SIX6: variants seen among roughly 807,000 people sequenced by gnomAD.
SIX6 encodes homeobox protein SIX6.
A neutral mutation model predicts 23.6 loss-of-function variants in SIX6; 14 were observed. That is an observed-to-expected ratio of 0.59 (90% CI 0.39 to 0.93). SIX6 has a LOEUF of 0.93. SIX6 is among the 40% of genes least tolerant of loss of function. SIX6 has a pLI of 0.00. For synonymous variants in SIX6, 128 were observed against 144.9 expected (o/e 0.88, Z 0.84); for missense variants, 307 against 325.6 (o/e 0.94, Z 0.44).
At position 60,512,237 on chromosome 14, in the gene SIX6, A is replaced by G. The variant is rs1197026512; in HGVS notation, c.*985A>G. 3 of 152,172 alleles carry G rather than the reference A, an allele frequency of 2.0e-5. No individual in the cohort carries two copies. Among genetic ancestry groups the G allele is most frequent in the Non-Finnish European group, 4.4e-5 (3 of 68,026 alleles). 9.4% of individuals were successfully genotyped at this position (152,172 alleles called of 1,614,324 possible). On this transcript the variant is annotated 3_prime_UTR_variant, in exon 2 of 2. Coordinates refer to ENST00000327720, the MANE Select transcript of SIX6 (RefSeq NM_007374.3). ...TTTAGGAAGCCAAACTATGGGACTC[A>G]ATAAGTGAGTCCTATTTTCTAAAAA...
rs979680550 is a variant in SIX6, at chr14:60,512,509, G to A, written c.*1257G>A. On this transcript the variant is annotated 3_prime_UTR_variant, in exon 2 of 2. Transcript: ENST00000327720. ...AATGGTTTTTAACAAGAGGGATACTGAGATGGGGGAAAGGATGTAATCATG... is the reference window on the plus strand; with the variant it reads ...AATGGTTTTTAACAAGAGGGATACTAAGATGGGGGAAAGGATGTAATCATG... The A allele has an allele frequency of 2.6e-5, 4 of 152,198 alleles. No homozygotes were observed. Among genetic ancestry groups the A allele is most frequent in the Non-Finnish European group, 5.9e-5 (4 of 68,026 alleles). The allele number at this position is 152,198 out of a possible 1,614,324, so 9.4% of individuals were successfully genotyped here.
chr14:60,511,313 AAG>A lies in SIX6; in HGVS notation c.*64_*65del. The A allele has an allele frequency of 6.4e-7, 1 of 1,553,146 alleles. No individual in the cohort carries two copies. Among genetic ancestry groups the A allele is most frequent in the Non-Finnish European group, 8.9e-7 (1 of 1,125,528 alleles). On this transcript the variant is annotated 3_prime_UTR_variant, in exon 2 of 2. Transcript: ENST00000327720. ...TGTAAAAACGAGAAAAACAAAATGAAAGAGGGGAAGAAGATGAGAGACCTGCA... is the reference window on the plus strand; with the variant it reads ...TGTAAAAACGAGAAAAACAAAATGAAAGGGGAAGAAGATGAGAGACCTGCA...
Position 60,511,141 on chromosome 14 carries a change from C to T in SIX6, c.630C>T (p.Asp210=). The T allele has an allele frequency of 6.2e-7, 1 of 1,612,848 alleles. No individual in the cohort carries two copies. The highest frequency in any genetic ancestry group is 8.5e-7 in the Non-Finnish European group (1 of 1,179,898). Residue 210 remains aspartate (D), a synonymous_variant, in exon 2 of 2, where the codon GAC becomes GAT. Transcript: ENST00000327720. ...GSGRALRAEG[D]GTPEVLGVAT... is the part of the protein sequence containing the mutation. The stretch of plus-strand genomic sequence containing the variant: ...GGCGGGCACTACGGGCGGAGGGCGA[C>T]GGCACGCCAGAGGTGCTGGGCGTCG...
intron 1 of SIX6, among the ~76,000 whole-genome samples, chr14:60,510,623 T>A (rs1468500161): frequency 6.6e-6 from 1 of 152,128 alleles, no homozygotes; most frequent in African/African-American, 2.4e-5. Flanking sequence ...ACAATCCTTT[T>A]TGCCTTTAGG....
In SIX6 at chr14:60,512,010, T is replaced by TATATGTATGTACCTATACAAAC. The variant is rs11267915; in HGVS notation, c.*792_*813dup. Reference sequence around the variant, plus strand: ...CCACGTCAAATTACACGTATGTGCATATATGTATGTACCTATACAAACATA... The same window carrying TATATGTATGTACCTATACAAAC: ...CCACGTCAAATTACACGTATGTGCATATATGTATGTACCTATACAAACATATGTATGTACCTATACAAACATA... On this transcript the variant is annotated 3_prime_UTR_variant, in exon 2 of 2. Coordinates refer to ENST00000327720, the MANE Select transcript of SIX6 (RefSeq NM_007374.3). 2.7e-5 allele frequency: 4 copies of TATATGTATGTACCTATACAAAC among 150,844 alleles called. No individual in the cohort carries two copies. Among genetic ancestry groups the TATATGTATGTACCTATACAAAC allele is most frequent in the Admixed American group, 1.3e-4 (2 of 15,136 alleles). 9.3% of individuals were successfully genotyped at this position (150,844 alleles called of 1,614,324 possible). A position where few individuals can be genotyped will look rare whatever the true frequency, so the allele number is the denominator to read the frequency against.
rs775430989 is a variant in SIX6, at chr14:60,509,575, C to T, written c.177C>T (p.Ile59=). ...KNESVLRARA[I]VAFHGGNYRE... The stretch of plus-strand genomic sequence containing the variant: ...AGTCGGTGCTACGCGCACGAGCCAT[C>T]GTGGCCTTTCACGGTGGCAACTACC... Residue 59 remains isoleucine, a synonymous_variant, in exon 1 of 2, where the codon ATC becomes ATT. Transcript: ENST00000327720. 1.2e-6 allele frequency: 2 copies of T among 1,612,772 alleles called. No individual in the cohort carries two copies. The highest frequency in any genetic ancestry group is 2.2e-5 in the East Asian group (1 of 44,884).
At position 60,512,392 on chromosome 14, in the gene SIX6, G is replaced by T. The variant is rs1348494979; in HGVS notation, c.*1140G>T. 1 of 152,210 alleles carries T rather than the reference G, an allele frequency of 6.6e-6. No individual in the cohort carries two copies. The highest frequency in any genetic ancestry group is 1.5e-5 in the Non-Finnish European group (1 of 68,034). The allele number at this position is 152,210 out of a possible 1,614,324, so 9.4% of individuals were successfully genotyped here. A position where few individuals can be genotyped will look rare whatever the true frequency, so the allele number is the denominator to read the frequency against. On this transcript the variant is annotated 3_prime_UTR_variant, in exon 2 of 2. Transcript: ENST00000327720. ...GAGCATATACTGCATTTAGGATTGA[G>T]CTATTATTAAAATAAGACAAAAGAT...
chr14:60,511,078 C>T lies in SIX6; in HGVS notation c.573-6C>T, dbSNP rs770759922. Reference sequence around the variant, plus strand: ...CTGTGACCCGTGTTCCCTTTCTTCCCCGTAGACTCCAGCAGCAGGTCCTGT... The same window carrying T: ...CTGTGACCCGTGTTCCCTTTCTTCCTCGTAGACTCCAGCAGCAGGTCCTGT... On this transcript the variant is annotated splice_region_variant and splice_polypyrimidine_tract_variant and intron_variant, in intron 1 of 1. Transcript: ENST00000327720. The T allele has an allele frequency of 2.0e-5, 33 of 1,612,374 alleles. No homozygotes were observed. Among genetic ancestry groups the T allele is most frequent in the Non-Finnish European group, 2.7e-5 (32 of 1,179,758 alleles).
chr14:60,512,022 CCTATACAAACATAT>C lies in SIX6; in HGVS notation c.*771_*784del. The C allele has an allele frequency of 2.5e-4, 1 of 4,004 alleles. No individual in the cohort carries two copies. The highest frequency in any genetic ancestry group is 1.5e-3 in the Non-Finnish European group (1 of 656). 0.2% of individuals were successfully genotyped at this position (4,004 alleles called of 1,614,324 possible). On this transcript the variant is annotated 3_prime_UTR_variant, in exon 2 of 2. Transcript: ENST00000327720. ...ACACGTATGTGCATATATGTATGTA[CCTATACAAACATAT>C]GTATGTACCTATACAAACATATGTA... is the stretch of plus-strand genomic sequence containing the variant.
At chr14:60,510,072 G>A (rs984305307) in intron 1 of SIX6, 102 bp downstream of exon 1, 2 of 1,036,240 alleles carry the variant, frequency 1.9e-6, no homozygotes, top group Non-Finnish European at 2.9e-6. Context: ...CAATTCAGCA[G>A]GAGTTGGGAG....
chr14:60,510,867 G>T (rs948763202), intron 1 of SIX6, among the ~76,000 whole-genome samples: 1 of 152,238 alleles, frequency 6.6e-6, no homozygotes, highest in Non-Finnish European at 1.5e-5. Context: ...GAGAAAGGGC[G>T]CGAATCATGG....
chr14:60,510,956 C>T (rs1893282062), intron 1 of SIX6, 128 bp from the exon 2 acceptor site: 1 of 955,224 alleles, frequency 1.0e-6, no homozygotes, highest in South Asian at 1.6e-5. Context: ...GAGTAATCCT[C>T]GCCTTAACTG....
chr14:60,509,268 A>T lies in SIX6; in HGVS notation c.-131A>T. The T allele has an allele frequency of 1.2e-6, 1 of 801,826 alleles. No individual in the cohort carries two copies. Among genetic ancestry groups the T allele is most frequent in the Non-Finnish European group, 2.1e-6 (1 of 482,286 alleles). 49.7% of individuals were successfully genotyped at this position (801,826 alleles called of 1,614,324 possible). ...TCCCGGCCGTTGAGCCACCGCCGCC[A>T]CCCGGTAGTGTGTCCCGCTGCCCCA... On this transcript the variant is annotated 5_prime_UTR_variant, in exon 1 of 2. Transcript: ENST00000327720.
chr14:60,509,482 G>C lies in SIX6; in HGVS notation c.84G>C (p.Glu28Asp). The C allele has an allele frequency of 6.2e-7, 1 of 1,601,598 alleles. No homozygotes were observed. The highest frequency in any genetic ancestry group is 8.5e-7 in the Non-Finnish European group (1 of 1,179,956). Residue 28 changes from glutamate to aspartate, a missense_variant, in exon 1 of 2, where the codon GAG becomes GAC. Glu to Asp is a conservative substitution (Grantham distance 45). Coordinates refer to ENST00000327720, the MANE Select transcript of SIX6 (RefSeq NM_007374.3). ...CCCTGGAAGAGAGCGGCGATGTGGA[G>C]CGCCTGGGTCGCTTCCTCTGGTCGC... ...CETLEESGDV[E>D]RLGRFLWSLP...
In SIX6 at chr14:60,509,419, G is replaced by A. The variant is rs61746410; in HGVS notation, c.21G>A (p.Leu7=). 46,245 of 1,599,486 alleles carry A rather than the reference G, an allele frequency of 0.029. 756 individuals carry two copies. Among genetic ancestry groups the A allele is most frequent in the Non-Finnish European group, 0.034 (40,308 of 1,179,886 alleles). ...CCTCGATGTTCCAGCTGCCCATCTTGAATTTCAGCCCCCAGCAAGTGGCCG... is the reference window on the plus strand; with the variant it reads ...CCTCGATGTTCCAGCTGCCCATCTTAAATTTCAGCCCCCAGCAAGTGGCCG... MFQLPI[L]NFSPQQVAGV... Residue 7 remains leucine (L), a synonymous_variant, in exon 1 of 2, where the codon TTG becomes TTA. Coordinates refer to ENST00000327720, the MANE Select transcript of SIX6 (RefSeq NM_007374.3).
At position 60,511,291 on chromosome 14, in the gene SIX6, A is replaced by G. The variant is rs1287060604; in HGVS notation, c.*39A>G. On this transcript the variant is annotated 3_prime_UTR_variant, in exon 2 of 2. Coordinates refer to ENST00000327720, the MANE Select transcript of SIX6 (RefSeq NM_007374.3). ...GATGCTCAGAAGCAGATTCCAGTGT[A>G]AAAACGAGAAAAACAAAATGAAAGA... The G allele has an allele frequency of 1.3e-6, 2 of 1,598,122 alleles. No individual in the cohort carries two copies. The highest frequency in any genetic ancestry group is 1.7e-6 in the Non-Finnish European group (2 of 1,166,282).
In SIX6 at chr14:60,512,707, A is replaced by G. The variant is rs1369264361; in HGVS notation, c.*1455A>G. On this transcript the variant is annotated 3_prime_UTR_variant, in exon 2 of 2. Coordinates refer to ENST00000327720, the MANE Select transcript of SIX6 (RefSeq NM_007374.3). Reference sequence around the variant, plus strand: ...TTTCCTCGTGCACATGCATGTATGCACCTATACATGAACAAATGCATGCAT... The same window carrying G: ...TTTCCTCGTGCACATGCATGTATGCGCCTATACATGAACAAATGCATGCAT... The G allele has an allele frequency of 1.3e-5, 2 of 152,262 alleles. No individual in the cohort carries two copies. Among genetic ancestry groups the G allele is most frequent in the African/African-American group, 4.8e-5 (2 of 41,474 alleles). 9.4% of individuals were successfully genotyped at this position (152,262 alleles called of 1,614,324 possible).
rs1361317393 is a variant in SIX6 at position 60,509,620 on chromosome 14, G to C, written c.222G>C (p.Leu74=). The part of the protein sequence containing the change: ...GGNYRELYHI[L]ENHKFTKESH... ...ACTACCGCGAGCTCTATCATATCCTGGAAAACCACAAGTTCACCAAGGAGT... is the reference window on the plus strand; with the variant it reads ...ACTACCGCGAGCTCTATCATATCCTCGAAAACCACAAGTTCACCAAGGAGT... Residue 74 remains leucine (L), a synonymous_variant, in exon 1 of 2, where the codon CTG becomes CTC. Transcript: ENST00000327720. The C allele has an allele frequency of 6.2e-7, 1 of 1,613,756 alleles. No individual in the cohort carries two copies. The highest frequency in any genetic ancestry group is 8.5e-7 in the Non-Finnish European group (1 of 1,180,012).
At position 60,509,395 on chromosome 14, in the gene SIX6, C is replaced by T; in HGVS notation, c.-4C>T. On this transcript the variant is annotated 5_prime_UTR_variant, in exon 1 of 2. Transcript: ENST00000327720. ...GTGCCCTCGCCGCCGCCGGCACTGC[C>T]TCGATGTTCCAGCTGCCCATCTTGA... The T allele has an allele frequency of 6.3e-7, 1 of 1,599,258 alleles. No individual in the cohort carries two copies. The highest frequency in any genetic ancestry group is 2.2e-5 in the East Asian group (1 of 44,872).
Sources: gnomAD v4.1 joint callset for allele counts (sites outside exome capture counted in the v4.1 genomes callset) on GRCh38, gnomAD v4.1.1 for gene constraint, MANE v1.5 for transcripts, NCBI Gene and HGNC (gene_info 2026-07-23, HGNC 2026-07-21) for gene names.